The following SPATC1L variants were observed in gnomAD, a reference collection of about 807,000 sequenced individuals.
SPATC1L encodes the protein speriolin-like protein.
In SPATC1L, 20 loss-of-function variants were observed where a neutral mutation model predicts 21.2. That is an observed-to-expected ratio of 0.94 (90% CI 0.66 to 1.37). The LOEUF is 1.37. SPATC1L is among the 40% of genes most tolerant of loss of function. The pLI, the probability that SPATC1L is intolerant of heterozygous loss-of-function variation, is 0.00. For synonymous variants in SPATC1L, 290 were observed against 234.5 expected, an observed-to-expected ratio of 1.24 and a Z score of -2.16; for missense variants, 499 against 478.7, an observed-to-expected ratio of 1.04 and a Z score of -0.40.
At chr21:46,169,171 T>C (rs947610175) in intron 2 of SPATC1L, among the ~76,000 whole-genome samples, 1 of 152,266 alleles carries the variant, frequency 6.6e-6, no homozygotes, top group Non-Finnish European at 1.5e-5. Context: ...CCTTGCCCTA[T>C]TGATGGACAG....
chr21:46,181,317 A>G (rs1165157724), intron 2 of SPATC1L, among the ~76,000 whole-genome samples: 1 of 152,076 alleles, frequency 6.6e-6, no homozygotes, highest in Non-Finnish European at 1.5e-5. Flanking sequence ...GGGGCCTCGC[A>G]CAGCATGGCC....
intron 2 of SPATC1L, among the ~76,000 whole-genome samples, chr21:46,178,497 G>C (rs940956337): frequency 1.3e-5 from 2 of 152,156 alleles, no homozygotes; most frequent in Non-Finnish European, 2.9e-5. Context: ...CTTAATACTT[G>C]AGTGACAAAA....
rs966324341 is a variant in SPATC1L, at chr21:46,161,288, T to G, written c.*91A>C. 13 of 1,280,580 alleles carry G rather than the reference T, an allele frequency of 1.0e-5. No individual in the cohort carries two copies. The highest frequency in any genetic ancestry group is 1.3e-5 in the Non-Finnish European group (13 of 972,096). 79.3% of individuals were successfully genotyped at this position (1,280,580 alleles called of 1,614,324 possible). A position where few individuals can be genotyped will look rare whatever the true frequency, so the allele number is the denominator to read the frequency against. On this transcript the variant is annotated 3_prime_UTR_variant, in exon 5 of 5. Transcript: ENST00000291672. ...GCCTCGCGCGCGGGGGACGCGGCCC[T>G]TTCCCCTCCGGGGGGACGCGCAGGA...
At chr21:46,173,550 A>G (rs935650809) in intron 2 of SPATC1L, among the ~76,000 whole-genome samples, 2 of 152,016 alleles carry the variant, frequency 1.3e-5, no homozygotes, top group African/African-American at 4.8e-5. Flanking sequence ...GCAGACACAG[A>G]GCCAGCAAGC....
intron 3 of SPATC1L, among the ~76,000 whole-genome samples, chr21:46,165,184 T>G (rs2079531573): frequency 6.6e-6 from 1 of 152,198 alleles, no homozygotes; most frequent in Non-Finnish European, 1.5e-5. Flanking sequence ...CAAAGTTCAC[T>G]CAAGAAGAAA....
At position 46,162,044 on chromosome 21, in the gene SPATC1L, C is replaced by A. The variant is rs371642521; in HGVS notation, c.568G>T (p.Glu190Ter). The A allele has an allele frequency of 1.2e-5, 19 of 1,582,796 alleles. No individual in the cohort carries two copies. The highest frequency in any genetic ancestry group is 1.6e-5 in the Non-Finnish European group (19 of 1,167,140). Reference sequence around the variant, plus strand: ...TCGCCCACCACGCGCGCGTCCTTCTCGGCGCCCGCGAAGCTCTGGATCTCT... The same window carrying A: ...TCGCCCACCACGCGCGCGTCCTTCTAGGCGCCCGCGAAGCTCTGGATCTCT... ...LNEIQSFAGA[E>*]KDARVVGEIA... The change falls in exon 4 of 5, where the codon GAG (glutamate) becomes TAG (stop). Residue 190 changes from glutamate (E) to a stop codon, truncating the protein, a stop_gained. Coordinates refer to ENST00000291672, the MANE Select transcript of SPATC1L (RefSeq NM_001142854.2). LOFTEE classifies it high-confidence loss of function.
intron 2 of SPATC1L, among the ~76,000 whole-genome samples, chr21:46,172,102 A>AGT: frequency 7.9e-6 from 1 of 127,110 alleles, no homozygotes. Context: ...ATGAGGCAGG[A>AGT]GTGCAGAGCA....
chr21:46,182,830 C>T lies in SPATC1L; in HGVS notation c.-14G>A. On this transcript the variant is annotated 5_prime_UTR_variant, in exon 2 of 5. Coordinates refer to ENST00000291672, the MANE Select transcript of SPATC1L (RefSeq NM_001142854.2). ...GCCTTCAGCCATGGCGGGTGCGTCC[C>T]TCCTTGTCCCTCACGGCTCCTGCAG... 2.0e-6 allele frequency: 3 copies of T among 1,509,858 alleles called. No homozygotes were observed. The highest frequency in any genetic ancestry group is 2.7e-6 in the Non-Finnish European group (3 of 1,125,270). 93.5% of individuals were successfully genotyped at this position (1,509,858 alleles called of 1,614,324 possible). A position where few individuals can be genotyped will look rare whatever the true frequency, so the allele number is the denominator to read the frequency against.
intron 3 of SPATC1L, among the ~76,000 whole-genome samples, chr21:46,165,970 C>T (rs1282886491): frequency 6.6e-6 from 1 of 151,978 alleles, no homozygotes; most frequent in Non-Finnish European, 1.5e-5. Context: ...TAAATAACAC[C>T]AATTCAACAC....
Position 46,161,969 on chromosome 21 carries a change from C to T in SPATC1L, c.643G>A (p.Val215Met), listed in dbSNP as rs774634129. The change falls in exon 4 of 5, where the codon GTG becomes ATG. Residue 215 changes from valine (V) to methionine (M), a missense_variant. Coordinates refer to ENST00000291672, the MANE Select transcript of SPATC1L (RefSeq NM_001142854.2). ...RRILAYVFPG[V>M]TRLYGFTVAN... ...ACCGTGAAGCCGTAGAGCCGCGTCA[C>T]GCCCGGGAACACGTAGGCCAGGATG... 89 of 1,608,010 alleles carry T rather than the reference C, an allele frequency of 5.5e-5. No individual in the cohort carries two copies. The highest frequency in any genetic ancestry group is 4.4e-5 in the Non-Finnish European group (52 of 1,179,156).
At chr21:46,169,047 T>G (rs1478828855) in intron 2 of SPATC1L, among the ~76,000 whole-genome samples, 1 of 152,292 alleles carries the variant, frequency 6.6e-6, no homozygotes, top group African/African-American at 2.4e-5. Flanking sequence ...CTGCATTATC[T>G]CTTTGAGATT....
intron 3 of SPATC1L, among the ~76,000 whole-genome samples, chr21:46,167,853 C>A (rs1342267080): frequency 6.6e-6 from 1 of 152,136 alleles, no homozygotes; most frequent in African/African-American, 2.4e-5. Context: ...ACTTCTAGAA[C>A]AACACACAGG....
intron 2 of SPATC1L, among the ~76,000 whole-genome samples, chr21:46,172,123 G>A (rs1273188235): frequency 7.2e-6 from 1 of 138,734 alleles, no homozygotes; most frequent in Non-Finnish European, 1.6e-5. Flanking sequence ...TGAGGCGGGG[G>A]ATGCACAGAG....
chr21:46,163,224 A>C (rs1299017148), intron 3 of SPATC1L, among the ~76,000 whole-genome samples: 1 of 152,214 alleles, frequency 6.6e-6, no homozygotes, highest in African/African-American at 2.4e-5. Context: ...AATATTCTGC[A>C]TACTAGTCCC....
At chr21:46,174,494 T>C (rs757801198) in intron 2 of SPATC1L, among the ~76,000 whole-genome samples, 23 of 152,122 alleles carry the variant, frequency 1.5e-4, no homozygotes, top group Middle Eastern at 3.2e-3. Context: ...TGGAAAACTA[T>C]GATTGCAGGG....
intron 2 of SPATC1L, among the ~76,000 whole-genome samples, chr21:46,181,529 C>A (rs776983655): frequency 6.6e-6 from 1 of 152,210 alleles, no homozygotes. Flanking sequence ...GGCCTGGCTG[C>A]GGAGAGTGCC....
At position 46,174,595 on chromosome 21, in the gene SPATC1L, T is replaced by C. The variant is rs186405913; in HGVS notation, c.194-5937A>G. Among the ~76,000 whole-genome samples the C allele has an allele frequency of 1.4e-3, 212 of 152,312 alleles. 1 individual carries two copies. Among genetic ancestry groups the C allele is most frequent in the African/African-American group, 4.7e-3 (197 of 41,576 alleles). On this transcript the variant is annotated intron_variant, in intron 2 of 4. Coordinates refer to ENST00000291672, the MANE Select transcript of SPATC1L (RefSeq NM_001142854.2). Reference sequence around the variant, plus strand: ...CATTACACAATGGTGAAGGGCTCAATTTAACAAGCAGACCTAACTACACTA... The same window carrying C: ...CATTACACAATGGTGAAGGGCTCAACTTAACAAGCAGACCTAACTACACTA...
In SPATC1L at chr21:46,179,684, A is replaced by C. The variant is rs2079657668; in HGVS notation, c.193+2940T>G. ...ATCATCTGACAATCCACCACCAACA[A>C]CTAGGGAGCGAGTGGGCAATCTGGG... On this transcript the variant is annotated intron_variant, in intron 2 of 4. Transcript: ENST00000291672. Among the ~76,000 whole-genome samples, 3 of 152,160 alleles carry C rather than the reference A, an allele frequency of 2.0e-5. No homozygotes were observed. In the South Asian group the frequency reaches 6.2e-4, roughly 32 times the overall value.
rs541120391 is a variant in SPATC1L, at chr21:46,162,063, G to C, written c.549C>G (p.Ile183Met). 2.2e-5 allele frequency: 34 copies of C among 1,573,398 alleles called. No homozygotes were observed. The South Asian group carries it at 3.6e-4, about 16-fold the overall frequency. ...CCTTCTCGGCGCCCGCGAAGCTCTG[G>C]ATCTCTGGGGGAGGGAAGGCCGGGG... ...RTRRSYYLNE[I>M]QSFAGAEKDA... The change falls in exon 4 of 5, where the codon ATC becomes ATG. Residue 183 changes from isoleucine to methionine, a missense_variant. Coordinates refer to ENST00000291672, the MANE Select transcript of SPATC1L (RefSeq NM_001142854.2).
Sources: gnomAD v4.1 joint callset for allele counts (sites outside exome capture counted in the v4.1 genomes callset) on GRCh38, gnomAD v4.1.1 for gene constraint, MANE v1.5 for transcripts, NCBI Gene and HGNC (gene_info 2026-07-23, HGNC 2026-07-21) for gene names.